Variants in RAP1GAP observed in about 807,000 individuals in gnomAD.
The protein encoded by RAP1GAP is RAP1 GTPase activating protein.
A neutral mutation model predicts 87.2 loss-of-function variants in RAP1GAP; 35 were observed. That is an observed-to-expected ratio of 0.40 (90% CI 0.31 to 0.53). The LOEUF is 0.53. RAP1GAP is among the 20% of genes least tolerant of loss of function. The pLI is 0.48. For missense variants in RAP1GAP, 734 were observed against 898.9 expected, an observed-to-expected ratio of 0.82 and a Z score of 2.35; for synonymous variants, 375 against 363.9, an observed-to-expected ratio of 1.03 and a Z score of -0.35.
At chr1:21,614,214 T>C (rs2080417442) in intron 7 of RAP1GAP, 125 bp from the exon 8 acceptor site, 2 of 637,466 alleles carry the variant, frequency 3.1e-6, no homozygotes, top group Non-Finnish European at 5.5e-6. Context: ...TCACGGCTGA[T>C]AGCAGACCCC....
intron 1 of RAP1GAP, among the ~76,000 whole-genome samples, chr1:21,655,504 C>G (rs1302274832): frequency 6.6e-6 from 1 of 152,252 alleles, no homozygotes; most frequent in African/African-American, 2.4e-5. Flanking sequence ...CACTGGCCCA[C>G]TGTGACAGGG....
intron 1 of RAP1GAP, among the ~76,000 whole-genome samples, chr1:21,656,080 C>T (rs2096847267): frequency 6.6e-6 from 1 of 152,218 alleles, no homozygotes; most frequent in African/African-American, 2.4e-5. Flanking sequence ...ATCAGTTTTC[C>T]TCGCTGGGCC....
chr1:21,610,362 G>C, intron 13 of RAP1GAP, 87 bp from the exon 14 acceptor site: 1 of 1,448,516 alleles, frequency 6.9e-7, no homozygotes, highest in South Asian at 1.2e-5. Flanking sequence ...GGAGGGTTTG[G>C]GGTAGTCAGA....
intron 22 of RAP1GAP, 143 bp from the exon 23 acceptor site, chr1:21,598,207 A>T: frequency 1.3e-6 from 1 of 761,254 alleles, no homozygotes; most frequent in Non-Finnish European, 2.1e-6. Context: ...ATCCTCCGAG[A>T]CCCTTCCGGA....
In RAP1GAP at chr1:21,613,491, G is replaced by T; in HGVS notation, c.474+137C>A. Reference sequence around the variant, plus strand: ...AGCCCAAGACACGATGGGAACAAGTGAGAGACAGCCTCAGGATAGGGCGGC... The same window carrying T: ...AGCCCAAGACACGATGGGAACAAGTTAGAGACAGCCTCAGGATAGGGCGGC... On this transcript the variant is annotated intron_variant, in intron 9 of 24. Transcript: ENST00000374765. The surrounding 1 kb of genome is among the most constrained non-coding windows in gnomAD (Gnocchi z 4.7). The T allele has an allele frequency of 1.2e-6, 1 of 865,418 alleles. No homozygotes were observed. The allele number at this position is 865,418 out of a possible 1,614,324, so 53.6% of individuals were successfully genotyped here.
At chr1:21,614,983 C>T (rs184615558) in intron 7 of RAP1GAP, among the ~76,000 whole-genome samples, 2 of 152,226 alleles carry the variant, frequency 1.3e-5, no homozygotes, top group African/African-American at 4.8e-5. Context: ...ATGTGCCCCA[C>T]GAATCCGCAG....
chr1:21,647,571 G>GA (rs2096182939), intron 2 of RAP1GAP, among the ~76,000 whole-genome samples: 1 of 152,184 alleles, frequency 6.6e-6, no homozygotes, highest in Non-Finnish European at 1.5e-5. Flanking sequence ...TCAGCTCCCG[G>GA]AAATGCCCTA....
chr1:21,608,109 A>T (rs1382426480), intron 17 of RAP1GAP, 104 bp downstream of exon 17: 1 of 1,460,532 alleles, frequency 6.8e-7, no homozygotes, highest in Non-Finnish European at 9.2e-7. Context: ...CCCTTCTGCC[A>T]GACTCCACCC....
Position 21,661,969 on chromosome 1 carries a change from C to G in RAP1GAP, c.-149+7285G>C, listed in dbSNP as rs6426722. On this transcript the variant is annotated intron_variant, in intron 1 of 24. Transcript: ENST00000374765. ...AGCTCTGCCCACCAGTCTGTCTCTT[C>G]CAGACCACGCCACTGAAGGGCGTGG... Among the ~76,000 whole-genome samples, 1,341 of 152,352 alleles carry G rather than the reference C, an allele frequency of 8.8e-3. 21 individuals carry two copies. The highest frequency in any genetic ancestry group is 0.031 in the African/African-American group (1,278 of 41,582).
Position 21,609,685 on chromosome 1 carries a change from G to A in RAP1GAP, c.1000-39C>T. The A allele has an allele frequency of 6.8e-7, 1 of 1,480,832 alleles. No individual in the cohort carries two copies. Among genetic ancestry groups the A allele is most frequent in the South Asian group, 1.4e-5 (1 of 69,108 alleles). The allele number at this position is 1,480,832 out of a possible 1,614,324, so 91.7% of individuals were successfully genotyped here. ...CAGCTGTCTGTTCCTGTGGAGCCTG[G>A]GGTCTGCTCTGCCCCACCCAGCCAG... On this transcript the variant is annotated intron_variant, in intron 14 of 24. Transcript: ENST00000374765. This position sits in a 1 kb window ranked among gnomAD's most constrained non-coding sequence, Gnocchi z 4.4.
chr1:21,660,495 G>A (rs1189654282), intron 1 of RAP1GAP, among the ~76,000 whole-genome samples: 2 of 150,782 alleles, frequency 1.3e-5, no homozygotes, highest in South Asian at 2.1e-4. Flanking sequence ...CACCATGCCC[G>A]GCTGATTTTT....
intron 2 of RAP1GAP, among the ~76,000 whole-genome samples, chr1:21,629,442 C>T (rs760640708): frequency 2.0e-4 from 31 of 152,180 alleles, no homozygotes; most frequent in Non-Finnish European, 4.3e-4. Context: ...GGTGCAGAAC[C>T]AGAGCGGCCT....
intron 1 of RAP1GAP, among the ~76,000 whole-genome samples, chr1:21,659,698 G>A (rs1455338976): frequency 6.6e-6 from 1 of 152,196 alleles, no homozygotes; most frequent in Non-Finnish European, 1.5e-5. Context: ...ATTGAGGTGT[G>A]CAAACAGAGC....
At chr1:21,653,220 G>A (rs1158478642) in intron 1 of RAP1GAP, 1 of 152,158 alleles carries the variant, frequency 6.6e-6, no homozygotes, top group Non-Finnish European at 1.5e-5. Context: ...TTCTCTCTTG[G>A]GGATCTGCCC....
At chr1:21,627,102 C>T in intron 2 of RAP1GAP, among the ~76,000 whole-genome samples, 1 of 152,234 alleles carries the variant, frequency 6.6e-6, no homozygotes, top group Admixed American at 6.5e-5. Context: ...CAGCTCCTAT[C>T]ACCCTAAAAA....
Position 21,603,777 on chromosome 1 carries a change from G to A in RAP1GAP, c.1429-864C>T, listed in dbSNP as rs1437829684. ...CCAATATGGCCTCCGTCCTGAGAGC[G>A]AGCAGAGAACAGCGCGTGCAGGCAG... On this transcript the variant is annotated intron_variant, in intron 18 of 24. Coordinates refer to ENST00000374765, the MANE Select transcript of RAP1GAP (RefSeq NM_002885.4). The surrounding 1 kb of genome is among the most constrained non-coding windows in gnomAD (Gnocchi z 6.0). 2 of 1,532,744 alleles carry A rather than the reference G, an allele frequency of 1.3e-6. No homozygotes were observed. Among genetic ancestry groups the A allele is most frequent in the Non-Finnish European group, 1.8e-6 (2 of 1,107,156 alleles). 94.9% of individuals were successfully genotyped at this position (1,532,744 alleles called of 1,614,324 possible). A position where few individuals can be genotyped will look rare whatever the true frequency, so the allele number is the denominator to read the frequency against.
At position 21,622,552 on chromosome 1, in the gene RAP1GAP, G is replaced by A. The variant is rs1398259494; in HGVS notation, c.-18-2502C>T. The A allele has an allele frequency of 1.2e-4, 17 of 147,352 alleles. No homozygotes were observed. The highest frequency in any genetic ancestry group is 3.7e-4 in the African/African-American group (15 of 40,898). The allele number at this position is 147,352 out of a possible 1,614,324, so 9.1% of individuals were successfully genotyped here. A position where few individuals can be genotyped will look rare whatever the true frequency, so the allele number is the denominator to read the frequency against. ...GGCTCCCGGCGGCGGCGCTGCCTGC[G>A]ATGGGCTCGCCCCACGGCGGGGCCC... On this transcript the variant is annotated intron_variant, in intron 3 of 24. Coordinates refer to ENST00000374765, the MANE Select transcript of RAP1GAP (RefSeq NM_002885.4). This position sits in a 1 kb window ranked among gnomAD's most constrained non-coding sequence, Gnocchi z 5.7.
At chr1:21,635,882 C>A (rs1356380101) in intron 2 of RAP1GAP, among the ~76,000 whole-genome samples, 1 of 152,222 alleles carries the variant, frequency 6.6e-6, no homozygotes, top group African/African-American at 2.4e-5. Context: ...GGGTCTCAGG[C>A]CGGCTCTCTC....
chr1:21,665,401 G>A (rs1420480449), intron 1 of RAP1GAP: 1 of 352,122 alleles, frequency 2.8e-6, no homozygotes, highest in Non-Finnish European at 6.0e-6. Flanking sequence ...AGGGACCACA[G>A]GACCCAGCTC....
Sources: allele counts gnomAD v4.1 joint callset (sites outside exome capture counted in the v4.1 genomes callset), GRCh38; gene constraint gnomAD v4.1.1; non-coding constraint Gnocchi (gnomAD v3.1); transcripts MANE v1.5; gene names NCBI Gene and HGNC (gene_info 2026-07-23, HGNC 2026-07-21).